BRSK2: variants seen among roughly 807,000 people sequenced by gnomAD.
The protein encoded by BRSK2 is BR serine/threonine kinase 2, also known as serine/threonine-protein kinase BRSK2.
BRSK2 carries 19 observed loss-of-function variants against 83.3 expected under a neutral mutation model. The observed-to-expected ratio is 0.23, with a 90% CI of 0.16 to 0.33. BRSK2 has a LOEUF of 0.33. Ranked by LOEUF, BRSK2 falls within the 10% of genes least tolerant of loss-of-function variation. The pLI is 1.00. For synonymous variants in BRSK2, 519 were observed against 435.4 expected (o/e 1.19, Z -2.39); for missense variants, 798 against 1,042.3 (o/e 0.77, Z 3.23).
chr11:1,413,529 C>T (rs61868964), intron 1 of BRSK2, among the ~76,000 whole-genome samples: 24,492 of 152,226 alleles, frequency 0.16, 2,389 homozygotes, highest in Non-Finnish European at 0.2. Context: ...CCCTGGGAGC[C>T]CTACAGCCCA....
chr11:1,426,537 A>G (rs1849251249), intron 1 of BRSK2, among the ~76,000 whole-genome samples: 1 of 152,038 alleles, frequency 6.6e-6, no homozygotes, highest in Admixed American at 6.5e-5. Context: ...CCGCAAATGT[A>G]GAGTGTGCAG....
chr11:1,424,222 C>CGGGGA (rs1848944521), intron 1 of BRSK2, among the ~76,000 whole-genome samples: 6 of 152,366 alleles, frequency 3.9e-5, no homozygotes, highest in Non-Finnish European at 7.3e-5. Flanking sequence ...GGAGCCCCAC[C>CGGGGA]ATTCCCCTGG....
intron 1 of BRSK2, among the ~76,000 whole-genome samples, chr11:1,398,192 T>TG (rs1278304804): frequency 6.6e-6 from 1 of 152,126 alleles, no homozygotes; most frequent in Non-Finnish European, 1.5e-5. Context: ...GGATAGGGGC[T>TG]GGGGGGCAGT....
At position 1,454,312 on chromosome 11, in the gene BRSK2, T is replaced by C. The variant is rs977183561; in HGVS notation, c.1545-173T>C. 4.2e-6 allele frequency: 3 copies of C among 717,302 alleles called. No individual in the cohort carries two copies. The highest frequency in any genetic ancestry group is 1.8e-5 in the African/African-American group (1 of 56,258). The allele number at this position is 717,302 out of a possible 1,614,324, so 44.4% of individuals were successfully genotyped here. On this transcript the variant is annotated intron_variant, in intron 15 of 19. Transcript: ENST00000528841. This position sits in a 1 kb window ranked among gnomAD's most constrained non-coding sequence, Gnocchi z 5.2. ...ACGGTGATGGTCAGGGCATATGGGC[T>C]AGGGTTAGGGCGTTGGGGTCAGGGC...
rs1311399087 is a variant in BRSK2 at position 1,460,773 on chromosome 11, G to A, written c.*50G>A. 68 of 1,364,534 alleles carry A rather than the reference G, an allele frequency of 5.0e-5. No individual in the cohort carries two copies. Among genetic ancestry groups the A allele is most frequent in the Middle Eastern group, 2.7e-4 (1 of 3,758 alleles). The allele number at this position is 1,364,534 out of a possible 1,614,324, so 84.5% of individuals were successfully genotyped here. On this transcript the variant is annotated 3_prime_UTR_variant, in exon 20 of 20. Transcript: ENST00000528841. ...CAGCACTGACAGCGGCTGCCTCGCC[G>A]CCCGCCGCCCGCCCTGCCCCGAGTG...
intron 1 of BRSK2, among the ~76,000 whole-genome samples, chr11:1,400,864 G>A (rs1590316985): frequency 6.6e-6 from 1 of 152,254 alleles, no homozygotes; most frequent in Admixed American, 6.5e-5. Context: ...CCCTCCCCAG[G>A]CTCCTCGTGG....
chr11:1,446,110 G>GTGCT (rs1564859250), intron 12 of BRSK2, among the ~76,000 whole-genome samples: 2,977 of 145,524 alleles, frequency 0.02, 98 homozygotes, highest in African/African-American at 0.063. Flanking sequence ...GGGCTGGGCT[G>GTGCT]GGAGCTGAGC....
chr11:1,442,232 G>C (rs1371232488), intron 4 of BRSK2, among the ~76,000 whole-genome samples: 3 of 152,086 alleles, frequency 2.0e-5, no homozygotes, highest in African/African-American at 7.2e-5. Flanking sequence ...GGAGCAGGAG[G>C]GGGCAGGAAG....
intron 1 of BRSK2, among the ~76,000 whole-genome samples, chr11:1,415,120 A>G (rs1590381643): frequency 3.2e-5 from 4 of 123,724 alleles, no homozygotes; most frequent in African/African-American, 3.1e-5. Flanking sequence ...TTTGAGATGG[A>G]GTCTCGCTCT....
At chr11:1,405,145 G>A (rs780981683) in intron 1 of BRSK2, among the ~76,000 whole-genome samples, 1 of 149,250 alleles carries the variant, frequency 6.7e-6, no homozygotes, top group Non-Finnish European at 1.5e-5. Flanking sequence ...GGTTGGGAGC[G>A]GCCCGGGCCA....
At chr11:1,460,429 CCT>C (rs1162261237) in intron 19 of BRSK2, 69 bp from the exon 20 acceptor site, 3 of 1,009,594 alleles carry the variant, frequency 3.0e-6, no homozygotes, top group Admixed American at 3.8e-5. Context: ...TCCCTCCCCT[CCT>C]CTTTCTCTCC....
chr11:1,445,508 G>C, intron 10 of BRSK2, 50 bp downstream of exon 10: 1 of 1,605,652 alleles, frequency 6.2e-7, no homozygotes, highest in South Asian at 1.1e-5. Context: ...AGGTGGGAGC[G>C]CTGCCCCGGA....
intron 18 of BRSK2, among the ~76,000 whole-genome samples, chr11:1,458,111 T>A (rs1457090742): frequency 6.6e-6 from 1 of 152,058 alleles, no homozygotes; most frequent in Admixed American, 6.5e-5. Flanking sequence ...AGGCCAGGGA[T>A]GGACAGGGCT....
In BRSK2 at chr11:1,450,697, C is replaced by T. The variant is rs1394639912; in HGVS notation, c.1398C>T (p.Ser466=). ...GCACGCCCAACCCCACGCCCCCGTCCAGCCCCAGCGTCGGAGGGGTGCCCT... is the reference window on the plus strand; with the variant it reads ...GCACGCCCAACCCCACGCCCCCGTCTAGCCCCAGCGTCGGAGGGGTGCCCT... ...PAGTPNPTPP[S]SPSVGGVPWR... The change falls in exon 14 of 20, where the codon TCC becomes TCT. Residue 466 remains serine, a synonymous_variant. Coordinates refer to ENST00000528841, the MANE Select transcript of BRSK2 (RefSeq NM_001256627.2). The T allele has an allele frequency of 3.1e-6, 5 of 1,608,928 alleles. No homozygotes were observed. The highest frequency in any genetic ancestry group is 4.2e-6 in the Non-Finnish European group (5 of 1,178,598).
At chr11:1,397,536 G>A (rs1276369947) in intron 1 of BRSK2, among the ~76,000 whole-genome samples, 2 of 152,236 alleles carry the variant, frequency 1.3e-5, no homozygotes, top group Non-Finnish European at 2.9e-5. Context: ...CGGGGCCCAC[G>A]GAGGCCGTGG....
chr11:1,445,076 G>C lies in BRSK2; in HGVS notation c.812+74G>C, dbSNP rs983704051. The C allele has an allele frequency of 1.0e-5, 16 of 1,567,366 alleles. No individual in the cohort carries two copies. In the African/African-American group the frequency reaches 1.1e-4, roughly 11 times the overall value. Reference sequence around the variant, plus strand: ...GCCTGGAGGCCCTGCTAGGAAAGGCGGGGGGAGGGCGCCGGCCCAGCGCAG... The same window carrying C: ...GCCTGGAGGCCCTGCTAGGAAAGGCCGGGGGAGGGCGCCGGCCCAGCGCAG... On this transcript the variant is annotated intron_variant, in intron 9 of 19. Transcript: ENST00000528841.
chr11:1,450,689 C>T lies in BRSK2; in HGVS notation c.1390C>T (p.Pro464Ser). 4.3e-6 allele frequency: 7 copies of T among 1,609,214 alleles called. No homozygotes were observed. The highest frequency in any genetic ancestry group is 5.9e-6 in the Non-Finnish European group (7 of 1,178,640). Residue 464 changes from proline to serine, a missense_variant, in exon 14 of 20, where the codon CCC (proline) becomes TCC (serine). This residue lies in a region of BRSK2 where 455 missense variants were observed against 455.2 expected (regional missense o/e 1.00). Coordinates refer to ENST00000528841, the MANE Select transcript of BRSK2 (RefSeq NM_001256627.2). ...ESPAGTPNPT[P>S]PSSPSVGGVP... ...CCCGGCTGGCACGCCCAACCCCACG[C>T]CCCCGTCCAGCCCCAGCGTCGGAGG...
chr11:1,449,591 C>T, intron 12 of BRSK2, among the ~76,000 whole-genome samples, 185 bp from the exon 13 acceptor site: 1 of 152,134 alleles, frequency 6.6e-6, no homozygotes, highest in Non-Finnish European at 1.5e-5. Context: ...CCCAGTGGGG[C>T]TGGGCACAGC....
intron 1 of BRSK2, among the ~76,000 whole-genome samples, chr11:1,420,842 G>A (rs1322543384): frequency 6.6e-6 from 1 of 152,138 alleles, no homozygotes; most frequent in South Asian, 2.1e-4. Context: ...GCATCCAGCA[G>A]GTGCCCGGCA....
Sources: gnomAD v4.1 joint callset for allele counts (sites outside exome capture counted in the v4.1 genomes callset) on GRCh38, gnomAD v4.1.1 for gene constraint, gnomAD v4.1.1 regional missense constraint, Gnocchi (gnomAD v3.1) non-coding constraint, MANE v1.5 for transcripts, NCBI Gene and HGNC (gene_info 2026-07-23, HGNC 2026-07-21) for gene names.